GOPC: variants seen among roughly 807,000 people sequenced by gnomAD.
The protein encoded by GOPC is Golgi-associated PDZ and coiled-coil motif-containing protein.
GOPC carries 32 observed loss-of-function variants against 51.2 expected under a neutral mutation model. The observed-to-expected ratio is 0.63, with a 90% CI of 0.47 to 0.84. GOPC has a LOEUF of 0.84. Among genes scored for constraint, GOPC ranks in the 40% least tolerant of loss-of-function variants. The pLI, the probability that GOPC is intolerant of heterozygous loss-of-function variation, is 0.00. For synonymous variants in GOPC, 190 were observed against 205.1 expected, an observed-to-expected ratio of 0.93 and a Z score of 0.63; for missense variants, 441 against 555.5, an observed-to-expected ratio of 0.79 and a Z score of 2.07.
intron 5 of GOPC, among the ~76,000 whole-genome samples, chr6:117,571,307 T>C (rs369951611): frequency 9.2e-5 from 14 of 152,186 alleles, no homozygotes; most frequent in African/African-American, 3.1e-4. Flanking sequence ...CTTTAAGATA[T>C]ACATTCATTT....
intron 1 of GOPC, among the ~76,000 whole-genome samples, chr6:117,597,701 T>C (rs930808003): frequency 6.6e-6 from 1 of 152,192 alleles, no homozygotes; most frequent in Admixed American, 6.5e-5. Flanking sequence ...GTCACATGGA[T>C]ATCATTTGTA....
At chr6:117,573,040 A>G (rs1164973723) in intron 5 of GOPC, among the ~76,000 whole-genome samples, 1 of 148,454 alleles carries the variant, frequency 6.7e-6, no homozygotes, top group Non-Finnish European at 1.5e-5. Flanking sequence ...AAGACCAAAC[A>G]GGTGTAAATG....
intron 3 of GOPC, 114 bp downstream of exon 3, chr6:117,577,334 G>T: frequency 1.1e-6 from 1 of 907,316 alleles, no homozygotes; most frequent in Non-Finnish European, 1.7e-6. Context: ...TTAAAAAATT[G>T]CCATTATTAA....
chr6:117,577,226 A>G lies in GOPC; in HGVS notation c.474+222T>C, dbSNP rs187040997. On this transcript the variant is annotated intron_variant, in intron 3 of 8. Coordinates refer to ENST00000368498, the MANE Select transcript of GOPC (RefSeq NM_020399.4). The stretch of plus-strand genomic sequence containing the variant: ...TGTCAAAAATTGACAGGCTCTGCAA[A>G]TAATGGCTATAAATCACTAACAAAA... 1.3e-3 allele frequency among the ~76,000 whole-genome samples: 196 copies of G among 152,224 alleles called. 1 individual carries two copies. Among genetic ancestry groups the G allele is most frequent in the African/African-American group, 4.5e-3 (189 of 41,562 alleles).
chr6:117,601,469 C>T (rs776400158), intron 1 of GOPC, among the ~76,000 whole-genome samples: 15 of 152,146 alleles, frequency 9.9e-5, no homozygotes, highest in Non-Finnish European at 2.1e-4. Flanking sequence ...TGGATGTAAA[C>T]CGAGACAGTG....
chr6:117,582,312 T>TCACACACACA (rs1562143803), intron 1 of GOPC, among the ~76,000 whole-genome samples: 1 of 92,212 alleles, frequency 1.1e-5, no homozygotes, highest in African/African-American at 4.6e-5. Context: ...ACACACACAT[T>TCACACACACA]GATAGAGGCA....
intron 7 of GOPC, among the ~76,000 whole-genome samples, chr6:117,567,769 C>T (rs1479964031): frequency 6.6e-6 from 1 of 151,964 alleles, no homozygotes; most frequent in East Asian, 1.9e-4. Flanking sequence ...GATAACTTTC[C>T]CTACATAATG....
At chr6:117,600,832 T>C (rs1184192513) in intron 1 of GOPC, among the ~76,000 whole-genome samples, 1 of 152,224 alleles carries the variant, frequency 6.6e-6, no homozygotes, top group Non-Finnish European at 1.5e-5. Context: ...TTTCTAATCT[T>C]TTCAAAAAGG....
intron 1 of GOPC, among the ~76,000 whole-genome samples, chr6:117,589,230 A>G (rs1780078971): frequency 6.6e-6 from 1 of 152,254 alleles, no homozygotes; most frequent in African/African-American, 2.4e-5. Flanking sequence ...GGGATACCCA[A>G]ATGTCAGATC....
At chr6:117,586,542 G>A (rs564055113) in intron 1 of GOPC, among the ~76,000 whole-genome samples, 17 of 140,460 alleles carry the variant, frequency 1.2e-4, no homozygotes, top group Admixed American at 3.1e-4. Context: ...GTGCAGTGGC[G>A]TGATCTTGGC....
At chr6:117,583,942 A>C (rs939620824) in intron 1 of GOPC, among the ~76,000 whole-genome samples, 2 of 152,212 alleles carry the variant, frequency 1.3e-5, no homozygotes, top group Non-Finnish European at 2.9e-5. Flanking sequence ...TTGAAAACAA[A>C]ATCTATATTG....
intron 1 of GOPC, among the ~76,000 whole-genome samples, chr6:117,592,825 T>TA (rs1463242226): frequency 9.9e-5 from 15 of 152,184 alleles, no homozygotes; most frequent in Non-Finnish European, 1.6e-4. Context: ...AATGCAGTGT[T>TA]ATCCTTAACC....
chr6:117,579,643 C>T (rs774370266), intron 1 of GOPC, among the ~76,000 whole-genome samples: 9 of 152,176 alleles, frequency 5.9e-5, no homozygotes, highest in Non-Finnish European at 1.2e-4. Context: ...CTCATCAGGA[C>T]CACTTACCAA....
At position 117,570,953 on chromosome 6, in the gene GOPC, A is replaced by T. The variant is rs1489828868; in HGVS notation, c.819T>A (p.Asp273Glu). 1 of 1,558,180 alleles carries T rather than the reference A, an allele frequency of 6.4e-7. No individual in the cohort carries two copies. Among genetic ancestry groups the T allele is most frequent in the Non-Finnish European group, 8.8e-7 (1 of 1,134,416 alleles). Residue 273 changes from aspartate to glutamate, a missense_variant and splice_region_variant, in exon 6 of 9, where the codon GAT (aspartate) becomes GAA (glutamate). By Grantham distance (45) the Asp-to-Glu change is conservative. This residue lies in a region of GOPC where 166 missense variants were observed against 267.0 expected (regional missense o/e 0.62). Transcript: ENST00000368498. ...CTTGGCTTTTCTTTAGGGAATCTTG[A>T]TCCTTATTGGGAGGAAAAAAGAAGA... ...KRPMQAPPGH[D>E]QDSLKKSQGV...
At chr6:117,590,293 T>C (rs1780096957) in intron 1 of GOPC, among the ~76,000 whole-genome samples, 1 of 152,156 alleles carries the variant, frequency 6.6e-6, no homozygotes, top group Non-Finnish European at 1.5e-5. Flanking sequence ...ATTTCCAGGC[T>C]GGGCATGGTG....
At chr6:117,601,307 C>T (rs1238516587) in intron 1 of GOPC, among the ~76,000 whole-genome samples, 1 of 152,110 alleles carries the variant, frequency 6.6e-6, no homozygotes, top group South Asian at 2.1e-4. Context: ...GAGATTAAAG[C>T]AAATGATTCT....
At chr6:117,585,445 AT>A (rs1426337506) in intron 1 of GOPC, among the ~76,000 whole-genome samples, 1 of 152,200 alleles carries the variant, frequency 6.6e-6, no homozygotes, top group Non-Finnish European at 1.5e-5. Flanking sequence ...ATGCAGCTCA[AT>A]CATTACTTTT....
chr6:117,576,519 C>T (rs937915476), intron 3 of GOPC, among the ~76,000 whole-genome samples: 13 of 152,070 alleles, frequency 8.5e-5, no homozygotes. Context: ...TGAAAGAGCA[C>T]TCCTAGACCA....
At chr6:117,565,244 G>A (rs963553774) in intron 8 of GOPC, among the ~76,000 whole-genome samples, 6 of 152,270 alleles carry the variant, frequency 3.9e-5, no homozygotes, top group Admixed American at 2.0e-4. Flanking sequence ...GTAGATGATA[G>A]CTGTATTTTC....
Sources: allele counts gnomAD v4.1 joint callset (sites outside exome capture counted in the v4.1 genomes callset), GRCh38; gene constraint gnomAD v4.1.1; regional missense constraint gnomAD v4.1.1; transcripts MANE v1.5; gene names NCBI Gene and HGNC (gene_info 2026-07-23, HGNC 2026-07-21).